SHC4: variants seen among roughly 807,000 people sequenced by gnomAD.
The protein encoded by SHC4 is SHC-transforming protein 4.
In SHC4, 41 loss-of-function variants were observed where a neutral mutation model predicts 69.4. The observed-to-expected ratio is 0.59, with a 90% confidence interval of 0.46 to 0.77. The LOEUF is 0.77. SHC4 is among the 30% of genes least tolerant of loss of function. The pLI is 0.00. For missense variants in SHC4, 777 were observed against 783.8 expected, an observed-to-expected ratio of 0.99 and a Z score of 0.10; for synonymous variants, 318 against 299.3, an observed-to-expected ratio of 1.06 and a Z score of -0.64.
intron 4 of SHC4, among the ~76,000 whole-genome samples, chr15:48,880,403 T>G (rs1899918207): frequency 6.6e-6 from 1 of 152,168 alleles, no homozygotes; most frequent in Non-Finnish European, 1.5e-5. Flanking sequence ...GGATAGGTAA[T>G]TAATTGCATG....
chr15:48,862,244 T>C lies in SHC4; in HGVS notation c.947-4429A>G, dbSNP rs139115485. Reference sequence around the variant, plus strand: ...CAGAGACCCAGAAGCATGGCCTTCCTATATCCAGGTAGTCCAAGCAGTCCA... The same window carrying C: ...CAGAGACCCAGAAGCATGGCCTTCCCATATCCAGGTAGTCCAAGCAGTCCA... On this transcript the variant is annotated intron_variant, in intron 6 of 11. Coordinates refer to ENST00000332408, the MANE Select transcript of SHC4 (RefSeq NM_203349.4). Among the ~76,000 whole-genome samples the C allele has an allele frequency of 3.3e-5, 5 of 152,048 alleles. No homozygotes were observed. In the East Asian group the frequency reaches 9.7e-4, roughly 29 times the overall value.
intron 1 of SHC4, 145 bp from the exon 2 acceptor site, chr15:48,925,094 CT>C: frequency 1.3e-6 from 1 of 764,488 alleles, no homozygotes; most frequent in Non-Finnish European, 2.2e-6. Context: ...ACTGTTATTT[CT>C]GACTGTTAAT....
intron 1 of SHC4, among the ~76,000 whole-genome samples, chr15:48,935,953 A>C (rs1400929380): frequency 1.3e-5 from 2 of 152,136 alleles, no homozygotes; most frequent in African/African-American, 4.8e-5. Flanking sequence ...TAAAGGTGCT[A>C]ACACTTTCCA....
intron 1 of SHC4, among the ~76,000 whole-genome samples, chr15:48,941,084 G>C (rs1901167247): frequency 6.6e-6 from 1 of 151,984 alleles, no homozygotes; most frequent in African/African-American, 2.4e-5. Flanking sequence ...TACTTTTTGT[G>C]GATAAAAAAT....
chr15:48,878,837 ACTTGACCTTC>A, intron 4 of SHC4: 1 of 1,249,550 alleles, frequency 8.0e-7, no homozygotes, highest in South Asian at 1.6e-5. Flanking sequence ...CCATTGAAAA[ACTTGACCTTC>A]AAAAAAATTT....
chr15:48,830,589 A>G (rs540949225), intron 11 of SHC4, among the ~76,000 whole-genome samples: 4 of 152,208 alleles, frequency 2.6e-5, no homozygotes, highest in Non-Finnish European at 5.9e-5. Context: ...AGGAAAGGAA[A>G]GTGCAGGCAA....
intron 1 of SHC4, among the ~76,000 whole-genome samples, chr15:48,934,963 G>T (rs1045229047): frequency 2.0e-5 from 3 of 152,158 alleles, no homozygotes; most frequent in Non-Finnish European, 2.9e-5. Flanking sequence ...CAGGTACAAG[G>T]TTTCTTTGGG....
At chr15:48,961,842 G>C (rs184201827) in intron 1 of SHC4, among the ~76,000 whole-genome samples, 22 of 152,322 alleles carry the variant, frequency 1.4e-4, no homozygotes, top group Admixed American at 1.4e-3. Flanking sequence ...AGGCCTACTT[G>C]CTGCAGCGTA....
At chr15:48,857,568 C>T (rs1899349313) in intron 7 of SHC4, 124 bp downstream of exon 7, 1 of 882,218 alleles carries the variant, frequency 1.1e-6, no homozygotes, top group Admixed American at 3.6e-5. Context: ...AAAAAAATTA[C>T]TAATTTTATT....
intron 2 of SHC4, among the ~76,000 whole-genome samples, chr15:48,900,525 AAAG>A (rs766859545): frequency 6.6e-5 from 10 of 151,884 alleles, no homozygotes; most frequent in Non-Finnish European, 1.2e-4. Flanking sequence ...AAAAAGAAAA[AAAG>A]AAGAAGAAGA....
At chr15:48,950,388 C>A (rs181766186) in intron 1 of SHC4, among the ~76,000 whole-genome samples, 1 of 151,796 alleles carries the variant, frequency 6.6e-6, no homozygotes, top group African/African-American at 2.4e-5. Flanking sequence ...GACATCTCCA[C>A]CAGATAGAAG....
chr15:48,917,243 TTGTGTGTG>T (rs3985853), intron 2 of SHC4, among the ~76,000 whole-genome samples: 13,767 of 137,068 alleles, frequency 0.1, 694 homozygotes, highest in East Asian at 0.15. Context: ...ACCTGATTTC[TTGTGTGTG>T]TGTGTGTGTG....
chr15:48,942,413 C>A, intron 1 of SHC4, among the ~76,000 whole-genome samples: 1 of 151,662 alleles, frequency 6.6e-6, no homozygotes, highest in East Asian at 1.9e-4. Context: ...CTTAAATAAC[C>A]AACACCTTCA....
chr15:48,853,916 C>T (rs922068054), intron 8 of SHC4, among the ~76,000 whole-genome samples: 3 of 151,928 alleles, frequency 2.0e-5, no homozygotes, highest in African/African-American at 4.8e-5. Context: ...CATCAGCCTT[C>T]GGAAAGAATT....
chr15:48,959,166 AAG>A, intron 1 of SHC4, among the ~76,000 whole-genome samples: 1 of 152,254 alleles, frequency 6.6e-6, no homozygotes, highest in East Asian at 1.9e-4. Context: ...AAACAAAGTA[AAG>A]AGTAGCTATA....
At chr15:48,917,851 G>T (rs1232779201) in intron 2 of SHC4, among the ~76,000 whole-genome samples, 1 of 152,196 alleles carries the variant, frequency 6.6e-6, no homozygotes, top group East Asian at 1.9e-4. Context: ...TGGCAGAAAG[G>T]TCCCTCTAAA....
At chr15:48,836,891 C>A (rs1182674046) in intron 10 of SHC4, among the ~76,000 whole-genome samples, 1 of 152,244 alleles carries the variant, frequency 6.6e-6, no homozygotes, top group Non-Finnish European at 1.5e-5. Context: ...GAAACACTCT[C>A]TTCTACAATC....
intron 9 of SHC4, among the ~76,000 whole-genome samples, chr15:48,845,233 AC>A (rs2140974676): frequency 6.6e-6 from 1 of 152,296 alleles, no homozygotes; most frequent in African/African-American, 2.4e-5. Flanking sequence ...ATGCTATGAC[AC>A]TTGTAACTCA....
intron 3 of SHC4, among the ~76,000 whole-genome samples, chr15:48,886,374 A>C (rs1030032556): frequency 6.6e-6 from 1 of 152,182 alleles, no homozygotes; most frequent in African/African-American, 2.4e-5. Context: ...TTTTGTTCTC[A>C]CCATAACCTT....
Sources: gnomAD v4.1 joint callset for allele counts (sites outside exome capture counted in the v4.1 genomes callset) on GRCh38, gnomAD v4.1.1 for gene constraint, MANE v1.5 for transcripts, NCBI Gene and HGNC (gene_info 2026-07-23, HGNC 2026-07-21) for gene names.